OXSR1: variants seen among roughly 807,000 people sequenced by gnomAD.
The protein encoded by OXSR1 is oxidative stress responsive kinase 1, also known as serine/threonine-protein kinase OSR1.
OXSR1 carries 24 observed loss-of-function variants against 79.8 expected under a neutral mutation model. The observed-to-expected ratio is 0.30, with a 90% CI of 0.22 to 0.42. OXSR1 has a LOEUF of 0.42. Among genes scored for constraint, OXSR1 ranks in the 10% least tolerant of loss-of-function variants. The probability of loss-of-function intolerance (pLI) is 1.00; values close to 1 mark genes in which losing one functional copy is unlikely to be tolerated. For synonymous variants in OXSR1, 226 were observed against 209.2 expected (o/e 1.08, Z -0.69); for missense variants, 430 against 618.4 (o/e 0.70, Z 3.23).
intron 3 of OXSR1, among the ~76,000 whole-genome samples, chr3:38,192,464 TAAAAA>T (rs1344415291): frequency 2.0e-5 from 3 of 152,148 alleles, no homozygotes; most frequent in African/African-American, 7.2e-5. Flanking sequence ...GGAAATATAT[TAAAAA>T]TAAAATTATA....
intron 1 of OXSR1, among the ~76,000 whole-genome samples, chr3:38,174,200 T>TGTA (rs1701636623): frequency 6.6e-6 from 1 of 152,184 alleles, no homozygotes; most frequent in African/African-American, 2.4e-5. Flanking sequence ...TGTAAGTTGT[T>TGTA]GTAGGAACTT....
chr3:38,226,402 CA>C (rs1455405296), intron 8 of OXSR1, among the ~76,000 whole-genome samples: 2 of 151,934 alleles, frequency 1.3e-5, no homozygotes, highest in Non-Finnish European at 2.9e-5. Flanking sequence ...ACAGAAGAAC[CA>C]AATAGCAATG....
rs1701970985 is a variant in OXSR1 at position 38,190,962 on chromosome 3, A to G, written c.292+123A>G. The G allele has an allele frequency of 7.5e-6, 5 of 664,830 alleles. No individual in the cohort carries two copies. The East Asian group carries it at 8.3e-5, about 11-fold the overall frequency. 41.2% of individuals were successfully genotyped at this position (664,830 alleles called of 1,614,324 possible). A position where few individuals can be genotyped will look rare whatever the true frequency, so the allele number is the denominator to read the frequency against. ...GCATTTGAGGAGATACTGAAAATAT[A>G]GTATTTGCTGAAGATGCTAATCTAT... is the stretch of plus-strand genomic sequence containing the variant. On this transcript the variant is annotated intron_variant, in intron 3 of 17. Transcript: ENST00000311806.
At chr3:38,177,348 T>A (rs1701693141) in intron 1 of OXSR1, among the ~76,000 whole-genome samples, 1 of 152,240 alleles carries the variant, frequency 6.6e-6, no homozygotes, top group Non-Finnish European at 1.5e-5. Flanking sequence ...GGGAACTTAA[T>A]GGCAAACACT....
chr3:38,214,996 TC>T (rs1702455004), intron 4 of OXSR1, among the ~76,000 whole-genome samples: 1 of 152,222 alleles, frequency 6.6e-6, no homozygotes, highest in Non-Finnish European at 1.5e-5. Context: ...GGGCTACCTT[TC>T]TTTTGCTTAT....
chr3:38,180,862 C>G (rs960953454), intron 1 of OXSR1, among the ~76,000 whole-genome samples: 1 of 152,016 alleles, frequency 6.6e-6, no homozygotes, highest in Admixed American at 6.6e-5. Context: ...ATTGTCTCAT[C>G]TCCTCTGACT....
rs866109627 is a variant in OXSR1 at position 38,224,762 on chromosome 3, G to C, written c.836+58G>C. 244 of 1,180,082 alleles carry C rather than the reference G, an allele frequency of 2.1e-4. 1 individual carries two copies. Among genetic ancestry groups the C allele is most frequent in the Middle Eastern group, 1.7e-3 (6 of 3,436 alleles). 73.1% of individuals were successfully genotyped at this position (1,180,082 alleles called of 1,614,324 possible). On this transcript the variant is annotated intron_variant, in intron 8 of 17. Coordinates refer to ENST00000311806, the MANE Select transcript of OXSR1 (RefSeq NM_005109.3). ...TAATAAAACATTGTGAGAAGTCTAA[G>C]AATCACATACTCATATGTACAGGAA...
At chr3:38,208,983 TGTGCGCGCGCGC>T (rs1268242976) in intron 4 of OXSR1, among the ~76,000 whole-genome samples, 1 of 127,770 alleles carries the variant, frequency 7.8e-6, no homozygotes, top group African/African-American at 3.4e-5. Flanking sequence ...TGTGTGTGTG[TGTGCGCGCGCGC>T]GTGCGCGCAT....
intron 4 of OXSR1, among the ~76,000 whole-genome samples, chr3:38,206,151 G>A (rs1344114287): frequency 6.6e-6 from 1 of 151,906 alleles, no homozygotes; most frequent in Non-Finnish European, 1.5e-5. Flanking sequence ...CACATGCATG[G>A]GTAATATGTT....
chr3:38,190,612 C>A, intron 2 of OXSR1, 119 bp from the exon 3 acceptor site: 1 of 627,884 alleles, frequency 1.6e-6, no homozygotes, highest in South Asian at 2.0e-5. Flanking sequence ...AAATCAGAGC[C>A]ATGGAGATCC....
intron 11 of OXSR1, among the ~76,000 whole-genome samples, chr3:38,239,124 A>G (rs1702976609): frequency 6.6e-6 from 1 of 151,976 alleles, no homozygotes; most frequent in African/African-American, 2.4e-5. Flanking sequence ...TTTTTTTCCC[A>G]TCTTCTATGT....
chr3:38,182,419 T>C (rs1701804528), intron 1 of OXSR1, among the ~76,000 whole-genome samples: 1 of 152,228 alleles, frequency 6.6e-6, no homozygotes, highest in African/African-American at 2.4e-5. Context: ...AAAATGTATC[T>C]CTCTGCTAGG....
intron 3 of OXSR1, 101 bp from the exon 4 acceptor site, chr3:38,198,621 T>C: frequency 1.3e-6 from 1 of 788,540 alleles, no homozygotes; most frequent in Non-Finnish European, 1.9e-6. Flanking sequence ...TCTGCACAGT[T>C]AAGTTTATGA....
intron 9 of OXSR1, among the ~76,000 whole-genome samples, 196 bp downstream of exon 9, chr3:38,229,931 A>G (rs1214032159): frequency 6.6e-6 from 1 of 152,226 alleles, no homozygotes; most frequent in Non-Finnish European, 1.5e-5. Context: ...GTTTTTAAAT[A>G]TTAGGTTAAA....
At chr3:38,228,148 G>C (rs1702729576) in intron 8 of OXSR1, among the ~76,000 whole-genome samples, 1 of 152,108 alleles carries the variant, frequency 6.6e-6, no homozygotes, top group Non-Finnish European at 1.5e-5. Context: ...CTTTAACCCA[G>C]AGTTCTCCAG....
Position 38,229,568 on chromosome 3 carries a change from A to T in OXSR1, c.837-119A>T, listed in dbSNP as rs1702763239. The T allele has an allele frequency of 4.3e-6, 3 of 702,794 alleles. No individual in the cohort carries two copies. The East Asian group carries it at 7.7e-5, about 18-fold the overall frequency. 43.5% of individuals were successfully genotyped at this position (702,794 alleles called of 1,614,324 possible). ...CTTTTTAGCAGTTTAAGGAAAGTAG[A>T]GTATACTGAGTTTTTATTTTGCTGT... On this transcript the variant is annotated intron_variant, in intron 8 of 17. Transcript: ENST00000311806.
chr3:38,166,062 T>C, intron 1 of OXSR1, 116 bp downstream of exon 1: 1 of 928,052 alleles, frequency 1.1e-6, no homozygotes, highest in Admixed American at 2.0e-5. Context: ...CGTGGGGCGC[T>C]TGTGGGGCTG....
At chr3:38,169,230 T>C (rs923550238) in intron 1 of OXSR1, among the ~76,000 whole-genome samples, 5 of 152,208 alleles carry the variant, frequency 3.3e-5, no homozygotes, top group African/African-American at 9.6e-5. Flanking sequence ...TATTAGACTT[T>C]CATGGATCTT....
Position 38,180,649 on chromosome 3 carries a change from G to GC in OXSR1, c.71-2352dup, listed in dbSNP as rs1701767087. On this transcript the variant is annotated intron_variant, in intron 1 of 17. Coordinates refer to ENST00000311806, the MANE Select transcript of OXSR1 (RefSeq NM_005109.3). ...CAGGCTCAAATGATCTCCCACCTCA[G>GC]CCTCCCAAGTAGCTAGGACTATAAG... 2.0e-5 allele frequency among the ~76,000 whole-genome samples: 3 copies of GC among 149,196 alleles called. No individual in the cohort carries two copies. In the South Asian group the frequency reaches 6.4e-4, roughly 32 times the overall value.
Sources: gnomAD v4.1 joint callset for allele counts (sites outside exome capture counted in the v4.1 genomes callset) on GRCh38, gnomAD v4.1.1 for gene constraint, MANE v1.5 for transcripts, NCBI Gene and HGNC (gene_info 2026-07-23, HGNC 2026-07-21) for gene names.